COG6: variants seen among roughly 807,000 people sequenced by gnomAD.
COG6 encodes conserved oligomeric Golgi complex subunit 6.
COG6 carries 74 observed loss-of-function variants against 88.8 expected under a neutral mutation model. The ratio of observed to expected loss-of-function variants is 0.83; its 90% CI spans 0.69 to 1.01. The LOEUF (loss-of-function observed/expected upper bound fraction) is 1.01. Ranked by LOEUF, COG6 falls within the 50% of genes least tolerant of loss-of-function variation. The pLI is 0.00. For synonymous variants in COG6, 286 were observed against 278.7 expected, an observed-to-expected ratio of 1.03 and a Z score of -0.26; for missense variants, 800 against 797.9, an observed-to-expected ratio of 1.00 and a Z score of -0.03.
At chr13:39,700,192 T>A (rs1877501174) in intron 13 of COG6, among the ~76,000 whole-genome samples, 1 of 151,894 alleles carries the variant, frequency 6.6e-6, no homozygotes, top group Non-Finnish European at 1.5e-5. Flanking sequence ...CAAATCCTTC[T>A]TTATTTTTGT....
chr13:39,657,430 A>T (rs1874590349), intron 1 of COG6, among the ~76,000 whole-genome samples: 1 of 152,116 alleles, frequency 6.6e-6, no homozygotes, highest in Non-Finnish European at 1.5e-5. Flanking sequence ...TTTGCATCTG[A>T]GTCTGTGATT....
chr13:39,734,766 A>G (rs549014665), intron 18 of COG6, among the ~76,000 whole-genome samples: 92 of 152,270 alleles, frequency 6.0e-4, no homozygotes, highest in African/African-American at 2.1e-3. Flanking sequence ...CTTGCTTTGT[A>G]TATCTGGGTG....
chr13:39,729,966 G>A (rs1200600249), intron 18 of COG6, among the ~76,000 whole-genome samples: 1 of 152,114 alleles, frequency 6.6e-6, no homozygotes, highest in Non-Finnish European at 1.5e-5. Context: ...AAACTTGTCA[G>A]ATTTCCTAAG....
At chr13:39,672,453 C>T (rs566899420) in intron 4 of COG6, among the ~76,000 whole-genome samples, 56 of 152,134 alleles carry the variant, frequency 3.7e-4, no homozygotes, top group African/African-American at 1.3e-3. Context: ...CATTAACCTA[C>T]TTTCTGCCTC....
intron 8 of COG6, among the ~76,000 whole-genome samples, chr13:39,682,915 A>G (rs2137994646): frequency 6.6e-6 from 1 of 152,220 alleles, no homozygotes; most frequent in East Asian, 1.9e-4. Context: ...GGGGTTGATG[A>G]TATTAATAAT....
intron 4 of COG6, among the ~76,000 whole-genome samples, chr13:39,671,670 A>G (rs1875653209): frequency 6.6e-6 from 1 of 152,018 alleles, no homozygotes; most frequent in South Asian, 2.1e-4. Context: ...TCACACATGC[A>G]TGTACATGTT....
intron 1 of COG6, chr13:39,656,130 T>C: frequency 1.6e-6 from 1 of 642,398 alleles, no homozygotes; most frequent in Non-Finnish European, 2.9e-6. Context: ...CCTTCAAGGC[T>C]CTCTGGATGG....
chr13:39,742,056 G>C (rs1880072504), intron 18 of COG6, among the ~76,000 whole-genome samples: 1 of 152,166 alleles, frequency 6.6e-6, no homozygotes, highest in Non-Finnish European at 1.5e-5. Flanking sequence ...CAAATGCTGA[G>C]AGATTTTGTT....
At chr13:39,721,349 T>C (rs1255717576) in intron 15 of COG6, among the ~76,000 whole-genome samples, 1 of 152,146 alleles carries the variant, frequency 6.6e-6, no homozygotes, top group African/African-American at 2.4e-5. Flanking sequence ...AACTGGACTT[T>C]TACATGTGTT....
chr13:39,711,954 GGTTCAA>G (rs1409224269), intron 13 of COG6, among the ~76,000 whole-genome samples: 1 of 152,110 alleles, frequency 6.6e-6, no homozygotes, highest in Non-Finnish European at 1.5e-5. Flanking sequence ...CCACCTCCTG[GGTTCAA>G]GCGATTCTCC....
chr13:39,664,623 T>TAA (rs1329048643), intron 3 of COG6, among the ~76,000 whole-genome samples: 1 of 152,234 alleles, frequency 6.6e-6, no homozygotes, highest in Non-Finnish European at 1.5e-5. Flanking sequence ...CACCAAAAAC[T>TAA]TATATGGCAG....
intron 18 of COG6, among the ~76,000 whole-genome samples, chr13:39,784,417 G>A (rs147648767): frequency 1.9e-3 from 294 of 152,318 alleles, no homozygotes; most frequent in African/African-American, 6.9e-3. Context: ...CTTCAGATCC[G>A]TCCAACTAGT....
intron 13 of COG6, among the ~76,000 whole-genome samples, chr13:39,712,577 A>G (rs527763124): frequency 3.3e-5 from 5 of 152,224 alleles, no homozygotes; most frequent in Non-Finnish European, 5.9e-5. Flanking sequence ...AGTTAAGAAG[A>G]TATGTGCCTG....
chr13:39,737,185 G>C (rs1879801660), intron 18 of COG6, among the ~76,000 whole-genome samples: 1 of 152,102 alleles, frequency 6.6e-6, no homozygotes, highest in East Asian at 1.9e-4. Flanking sequence ...CTCCCTCTCT[G>C]TACTGAGCTG....
At chr13:39,769,807 A>G (rs1289279066) in intron 18 of COG6, among the ~76,000 whole-genome samples, 2 of 152,168 alleles carry the variant, frequency 1.3e-5, no homozygotes, top group Non-Finnish European at 2.9e-5. Flanking sequence ...TAAAATAGGC[A>G]TGAGAGAGCT....
intron 13 of COG6, among the ~76,000 whole-genome samples, chr13:39,713,608 C>T (rs1202830919): frequency 2.0e-5 from 3 of 151,928 alleles, no homozygotes; most frequent in Admixed American, 6.6e-5. Flanking sequence ...TGGTGGCAGG[C>T]GCCTGTAGTC....
intron 5 of COG6, 46 bp downstream of exon 5, chr13:39,677,625 G>A (rs368456794): frequency 1.8e-6 from 2 of 1,126,644 alleles, no homozygotes; most frequent in Non-Finnish European, 2.6e-6. Context: ...AGTAGTTACA[G>A]ATATTAGAGA....
chr13:39,704,457 G>A (rs1877771131), intron 13 of COG6, among the ~76,000 whole-genome samples: 1 of 152,054 alleles, frequency 6.6e-6, no homozygotes, highest in African/African-American at 2.4e-5. Context: ...AAATCATAAG[G>A]GAGAGAAAAT....
At chr13:39,656,846 A>T in intron 1 of COG6, 1 of 455,978 alleles carries the variant, frequency 2.2e-6, no homozygotes, top group Non-Finnish European at 4.4e-6. Context: ...TCCTGCTGTT[A>T]AGTTTCTCAT....
Sources: allele counts gnomAD v4.1 joint callset (sites outside exome capture counted in the v4.1 genomes callset), GRCh38; gene constraint gnomAD v4.1.1; transcripts MANE v1.5; gene names NCBI Gene and HGNC (gene_info 2026-07-23, HGNC 2026-07-21).